The following HS3ST4 variants were observed in gnomAD, a reference collection of about 807,000 sequenced individuals.
The protein encoded by HS3ST4 is heparan sulfate-glucosamine 3-sulfotransferase 4.
In HS3ST4, 17 loss-of-function variants were observed where a neutral mutation model predicts 29.2. The ratio of observed to expected loss-of-function variants is 0.58; its 90% CI spans 0.40 to 0.87. The LOEUF is 0.87. Among genes scored for constraint, HS3ST4 ranks in the 40% least tolerant of loss-of-function variants. The pLI, the probability that HS3ST4 is intolerant of heterozygous loss-of-function variation, is 0.00. For synonymous variants in HS3ST4, 314 were observed against 285.7 expected (o/e 1.10, Z -1.00); for missense variants, 627 against 634.5 (o/e 0.99, Z 0.13).
At chr16:25,953,920 G>A (rs1161882322) in intron 1 of HS3ST4, among the ~76,000 whole-genome samples, 2 of 152,178 alleles carry the variant, frequency 1.3e-5, no homozygotes, top group Non-Finnish European at 2.9e-5. Context: ...CATTGATTGA[G>A]GGGTGCTCCT....
intron 1 of HS3ST4, among the ~76,000 whole-genome samples, chr16:26,055,853 T>C (rs913477818): frequency 2.0e-5 from 3 of 152,152 alleles, no homozygotes; most frequent in Non-Finnish European, 4.4e-5. Context: ...CTGATGGATT[T>C]GATTCATTTG....
intron 1 of HS3ST4, among the ~76,000 whole-genome samples, chr16:26,132,008 G>A (rs116633717): frequency 0.011 from 1,670 of 152,238 alleles, 30 homozygotes; most frequent in African/African-American, 0.038. Context: ...TTCTGGTCCT[G>A]TTTCCTTCTC....
At chr16:25,834,052 G>A (rs889767642) in intron 1 of HS3ST4, among the ~76,000 whole-genome samples, 2 of 152,162 alleles carry the variant, frequency 1.3e-5, no homozygotes, top group African/African-American at 2.4e-5. Flanking sequence ...GGTTTTCGGG[G>A]TGCATGCGAA....
At chr16:26,045,128 T>C (rs1267245666) in intron 1 of HS3ST4, among the ~76,000 whole-genome samples, 1 of 152,052 alleles carries the variant, frequency 6.6e-6, no homozygotes, top group Non-Finnish European at 1.5e-5. Context: ...ATTACGATCC[T>C]GGCATTTGCT....
intron 1 of HS3ST4, among the ~76,000 whole-genome samples, chr16:25,713,201 T>C (rs1035588092): frequency 6.6e-6 from 1 of 152,168 alleles, no homozygotes; most frequent in African/African-American, 2.4e-5. Flanking sequence ...ATTTGCTATA[T>C]GACCTCATTT....
intron 1 of HS3ST4, among the ~76,000 whole-genome samples, chr16:25,835,463 A>G (rs1387995600): frequency 6.7e-6 from 1 of 150,308 alleles, no homozygotes; most frequent in African/African-American, 2.5e-5. Context: ...GTGAGTGGGG[A>G]TATTATTATT....
intron 1 of HS3ST4, among the ~76,000 whole-genome samples, chr16:26,068,809 A>G (rs1198153918): frequency 6.6e-6 from 1 of 151,838 alleles, no homozygotes; most frequent in Non-Finnish European, 1.5e-5. Context: ...ATGCCTTTTA[A>G]TATGTAGGTG....
intron 1 of HS3ST4, among the ~76,000 whole-genome samples, chr16:26,093,416 C>G (rs1390800108): frequency 6.6e-6 from 1 of 152,208 alleles, no homozygotes; most frequent in Non-Finnish European, 1.5e-5. Context: ...GCAATATTTG[C>G]TGTTCTGCAA....
chr16:25,910,761 A>C (rs1968230554), intron 1 of HS3ST4, among the ~76,000 whole-genome samples: 1 of 152,186 alleles, frequency 6.6e-6, no homozygotes, highest in Non-Finnish European at 1.5e-5. Context: ...AACAGATGGC[A>C]GATCAGGTTT....
chr16:25,707,751 C>T (rs1966385313), intron 1 of HS3ST4, among the ~76,000 whole-genome samples: 1 of 152,198 alleles, frequency 6.6e-6, no homozygotes, highest in South Asian at 2.1e-4. Context: ...CTTGCTGTAC[C>T]TGAGAAGTCA....
At chr16:25,719,259 A>C (rs1966477244) in intron 1 of HS3ST4, among the ~76,000 whole-genome samples, 1 of 152,242 alleles carries the variant, frequency 6.6e-6, no homozygotes, top group African/African-American at 2.4e-5. Context: ...TTGCTTGTTT[A>C]AGAAATACTT....
At chr16:25,795,715 G>A (rs944500938) in intron 1 of HS3ST4, among the ~76,000 whole-genome samples, 6 of 152,156 alleles carry the variant, frequency 3.9e-5, no homozygotes, top group Admixed American at 3.9e-4. Flanking sequence ...GACCTTTTCT[G>A]TGGCAGGCAG....
intron 1 of HS3ST4, among the ~76,000 whole-genome samples, chr16:26,072,606 T>A (rs942441395): frequency 3.9e-5 from 6 of 152,194 alleles, no homozygotes; most frequent in African/African-American, 1.4e-4. Flanking sequence ...TTAGAAATAT[T>A]TTTCTTCAGT....
intron 1 of HS3ST4, among the ~76,000 whole-genome samples, chr16:25,890,299 C>A (rs1396826636): frequency 6.6e-6 from 1 of 152,152 alleles, no homozygotes; most frequent in Non-Finnish European, 1.5e-5. Context: ...CTATGTATTT[C>A]CTTCCATAGG....
intron 1 of HS3ST4, among the ~76,000 whole-genome samples, chr16:26,027,062 C>T (rs913587306): frequency 1.3e-5 from 2 of 152,080 alleles, no homozygotes; most frequent in Non-Finnish European, 1.5e-5. Flanking sequence ...TATCTACTGC[C>T]GAAGTCCCAA....
intron 1 of HS3ST4, among the ~76,000 whole-genome samples, chr16:26,055,125 G>A (rs1006445137): frequency 6.6e-6 from 1 of 150,950 alleles, no homozygotes; most frequent in African/African-American, 2.4e-5. Flanking sequence ...TATCCTCCAA[G>A]ATTGCTCTTT....
At position 25,763,653 on chromosome 16, in the gene HS3ST4, G is replaced by A. The variant is rs546918397; in HGVS notation, c.734+70502G>A. 2.6e-5 allele frequency among the ~76,000 whole-genome samples: 4 copies of A among 152,268 alleles called. No homozygotes were observed. In the East Asian group the frequency reaches 7.7e-4, roughly 29 times the overall value. ...CATGGAATATTGCAGGCAGAGGGAA[G>A]GAATATGTGCGGGGCTCTGGAGCAT... On this transcript the variant is annotated intron_variant, in intron 1 of 1. Transcript: ENST00000331351.
rs112275479 is a variant in HS3ST4 at position 26,057,290 on chromosome 16, A to G, written c.735-78322A>G. On this transcript the variant is annotated intron_variant, in intron 1 of 1. Coordinates refer to ENST00000331351, the MANE Select transcript of HS3ST4 (RefSeq NM_006040.3). Reference sequence around the variant, plus strand: ...CCAAGCTTATCCAAGATTCTCTGCTAAAGAGGAGAGCAAACACCTTTCTGT... The same window carrying G: ...CCAAGCTTATCCAAGATTCTCTGCTGAAGAGGAGAGCAAACACCTTTCTGT... Among the ~76,000 whole-genome samples, 842 of 152,276 alleles carry G rather than the reference A, an allele frequency of 5.5e-3. 8 individuals are homozygous for G. The highest frequency in any genetic ancestry group is 0.019 in the African/African-American group (800 of 41,564).
intron 1 of HS3ST4, among the ~76,000 whole-genome samples, chr16:26,059,735 T>C (rs1898452579): frequency 6.6e-6 from 1 of 152,166 alleles, no homozygotes; most frequent in South Asian, 2.1e-4. Flanking sequence ...CATTTTAATA[T>C]CTTTCAAACG....
Sources: gnomAD v4.1 joint callset for allele counts (sites outside exome capture counted in the v4.1 genomes callset) on GRCh38, gnomAD v4.1.1 for gene constraint, MANE v1.5 for transcripts, NCBI Gene and HGNC (gene_info 2026-07-23, HGNC 2026-07-21) for gene names.